CNTNAP5: variants seen among roughly 807,000 people sequenced by gnomAD.
CNTNAP5 encodes contactin associated protein family member 5, also known as contactin-associated protein-like 5.
In CNTNAP5, 72 loss-of-function variants were observed where a neutral mutation model predicts 150.2. The observed-to-expected ratio is 0.48, with a 90% confidence interval of 0.40 to 0.58. The LOEUF is 0.58. Among genes scored for constraint, CNTNAP5 ranks in the 20% least tolerant of loss-of-function variants. CNTNAP5 has a pLI of 0.00. For synonymous variants in CNTNAP5, 672 were observed against 619.8 expected (o/e 1.08, Z -1.25); for missense variants, 1,636 against 1,626.2 (o/e 1.01, Z -0.10).
intron 3 of CNTNAP5, among the ~76,000 whole-genome samples, chr2:124,362,138 A>G (rs546762722): frequency 1.8e-4 from 27 of 152,302 alleles, no homozygotes; most frequent in Middle Eastern, 3.4e-3. Context: ...TGCGCTTCCC[A>G]AGTGAGGCAA....
At chr2:124,028,987 C>T (rs1573701567) in intron 1 of CNTNAP5, among the ~76,000 whole-genome samples, 3 of 152,032 alleles carry the variant, frequency 2.0e-5, no homozygotes, top group African/African-American at 4.8e-5. Flanking sequence ...CATATGGGGT[C>T]ACTATTAACT....
At chr2:124,147,737 T>C (rs1211027450) in intron 1 of CNTNAP5, among the ~76,000 whole-genome samples, 1 of 152,146 alleles carries the variant, frequency 6.6e-6, no homozygotes, top group African/African-American at 2.4e-5. Flanking sequence ...AAGAGGCAAG[T>C]GGCCTGGGCG....
intron 13 of CNTNAP5, among the ~76,000 whole-genome samples, chr2:124,745,626 G>A (rs1680588719): frequency 6.6e-6 from 1 of 152,282 alleles, no homozygotes; most frequent in East Asian, 1.9e-4. Context: ...TAAAGAAAAT[G>A]AATTCATATT....
chr2:124,439,281 G>A (rs1379485061), intron 5 of CNTNAP5, among the ~76,000 whole-genome samples: 1 of 152,100 alleles, frequency 6.6e-6, no homozygotes, highest in African/African-American at 2.4e-5. Context: ...ATAAGAATAG[G>A]TTAAACAAGT....
chr2:124,730,124 G>A (rs1680239674), intron 13 of CNTNAP5, among the ~76,000 whole-genome samples: 1 of 151,984 alleles, frequency 6.6e-6, no homozygotes, highest in East Asian at 1.9e-4. Context: ...GAAAAATGAA[G>A]ACTTGCACCA....
chr2:124,153,432 G>T (rs558435399), intron 1 of CNTNAP5, among the ~76,000 whole-genome samples: 5 of 151,932 alleles, frequency 3.3e-5, no homozygotes, highest in Admixed American at 3.3e-4. Flanking sequence ...ACTAGAGGCT[G>T]GGTGGCTTCA....
chr2:124,790,281 A>C, intron 18 of CNTNAP5, 140 bp downstream of exon 18: 1 of 894,152 alleles, frequency 1.1e-6, no homozygotes, highest in East Asian at 2.7e-5. Flanking sequence ...TAGTTCTTCA[A>C]CGTAATTGCA....
At chr2:124,787,679 T>A (rs908649166) in intron 17 of CNTNAP5, among the ~76,000 whole-genome samples, 26 of 152,206 alleles carry the variant, frequency 1.7e-4, no homozygotes, top group Middle Eastern at 3.4e-3. Flanking sequence ...TTCTAATTAT[T>A]TCCTTGCTTT....
intron 3 of CNTNAP5, among the ~76,000 whole-genome samples, chr2:124,312,231 TAA>T (rs1443038335): frequency 2.0e-5 from 3 of 152,212 alleles, no homozygotes; most frequent in Non-Finnish European, 4.4e-5. Flanking sequence ...AACAATAAAG[TAA>T]AGTGTTTGAA....
At chr2:124,491,742 C>A (rs1276771798) in intron 7 of CNTNAP5, among the ~76,000 whole-genome samples, 1 of 151,948 alleles carries the variant, frequency 6.6e-6, no homozygotes, top group Non-Finnish European at 1.5e-5. Flanking sequence ...TACATTCTCA[C>A]CAATACTTGT....
At chr2:124,848,200 G>A (rs188524016) in intron 19 of CNTNAP5, among the ~76,000 whole-genome samples, 121 of 152,190 alleles carry the variant, frequency 8.0e-4, no homozygotes, top group Non-Finnish European at 1.4e-3. Flanking sequence ...CCAGTCCCTG[G>A]AAACCGCTAT....
At chr2:124,674,123 T>A (rs1678879133) in intron 13 of CNTNAP5, among the ~76,000 whole-genome samples, 1 of 152,180 alleles carries the variant, frequency 6.6e-6, no homozygotes, top group African/African-American at 2.4e-5. Context: ...TCTTGCTCAA[T>A]CAAGCTAAAG....
At chr2:124,502,047 C>T (rs1420978917) in intron 7 of CNTNAP5, among the ~76,000 whole-genome samples, 1 of 152,124 alleles carries the variant, frequency 6.6e-6, no homozygotes, top group Non-Finnish European at 1.5e-5. Context: ...AGGGAGCTGT[C>T]CAAGGACCGA....
chr2:124,085,030 T>TC (rs1682652205), intron 1 of CNTNAP5, among the ~76,000 whole-genome samples: 1 of 149,504 alleles, frequency 6.7e-6, no homozygotes, highest in African/African-American at 2.5e-5. Flanking sequence ...GAAGCAATTC[T>TC]CCTGCCTCAG....
chr2:124,506,421 T>C (rs1694409121), intron 8 of CNTNAP5, among the ~76,000 whole-genome samples: 1 of 152,176 alleles, frequency 6.6e-6, no homozygotes, highest in Non-Finnish European at 1.5e-5. Flanking sequence ...TTCATACTCA[T>C]GCCTCTCTGG....
intron 4 of CNTNAP5, among the ~76,000 whole-genome samples, chr2:124,428,071 A>G (rs1476396225): frequency 6.6e-6 from 1 of 152,096 alleles, no homozygotes; most frequent in Non-Finnish European, 1.5e-5. Flanking sequence ...TAGATCCTAG[A>G]TGGGACCCTG....
At chr2:124,911,645 C>T (rs1403024509) in intron 23 of CNTNAP5, 107 bp downstream of exon 23, 3 of 820,566 alleles carry the variant, frequency 3.7e-6, no homozygotes, top group Non-Finnish European at 6.1e-6. Context: ...ACTCAGAGCC[C>T]CCTACATTAC....
chr2:124,088,731 C>T (rs1191538854), intron 1 of CNTNAP5, among the ~76,000 whole-genome samples: 2 of 152,154 alleles, frequency 1.3e-5, no homozygotes, highest in African/African-American at 4.8e-5. Context: ...AATTCTGGCT[C>T]TCCATGGAGT....
In CNTNAP5 at chr2:124,808,371, C is replaced by T. The variant is rs554532732; in HGVS notation, c.3217+10051C>T. Among the ~76,000 whole-genome samples the T allele has an allele frequency of 2.0e-5, 3 of 152,022 alleles. 1 individual carries two copies. Among genetic ancestry groups the T allele is most frequent in the Admixed American group, 1.3e-4 (2 of 15,246 alleles). On this transcript the variant is annotated intron_variant, in intron 19 of 23. Transcript: ENST00000682447. ...TTGTAATCTCAGTACTTCAGGAGGC[C>T]GAGGTCAGGAGTTCGAGACCAGCCT... is the stretch of plus-strand genomic sequence containing the variant.
Sources: allele counts gnomAD v4.1 joint callset (sites outside exome capture counted in the v4.1 genomes callset), GRCh38; gene constraint gnomAD v4.1.1; transcripts MANE v1.5; gene names NCBI Gene and HGNC (gene_info 2026-07-23, HGNC 2026-07-21).